Variants in STARD7 observed in about 807,000 individuals in gnomAD.
STARD7 encodes the protein stAR-related lipid transfer protein 7, mitochondrial.
A neutral mutation model predicts 45.3 loss-of-function variants in STARD7; 30 were observed. The ratio of observed to expected loss-of-function variants is 0.66; its 90% CI spans 0.50 to 0.90. The LOEUF (loss-of-function observed/expected upper bound fraction) is 0.90, where lower values mean the gene tolerates loss of function less well. Among genes scored for constraint, STARD7 ranks in the 40% least tolerant of loss-of-function variants. The pLI is 0.00. For synonymous variants in STARD7, 199 were observed against 183.0 expected, an observed-to-expected ratio of 1.09 and a Z score of -0.70; for missense variants, 495 against 491.3, an observed-to-expected ratio of 1.01 and a Z score of -0.07.
At chr2:96,208,088 C>T in intron 1 of STARD7, 57 bp downstream of exon 1, 1 of 1,467,258 alleles carries the variant, frequency 6.8e-7, no homozygotes, top group African/African-American at 1.5e-5. Flanking sequence ...GGGCAGGCCC[C>T]AGGGTTCACA....
At chr2:96,189,502 C>T (rs13405376) in intron 6 of STARD7, among the ~76,000 whole-genome samples, 1 of 152,002 alleles carries the variant, frequency 6.6e-6, no homozygotes, top group Non-Finnish European at 1.5e-5. Flanking sequence ...GTCAGGAGTT[C>T]GAGACCAGCC....
chr2:96,196,874 C>T (rs1430703524), intron 1 of STARD7, among the ~76,000 whole-genome samples: 1 of 151,450 alleles, frequency 6.6e-6, no homozygotes, highest in Non-Finnish European at 1.5e-5. Context: ...TGAGACCAGC[C>T]TAACCAACGT....
At chr2:96,196,122 AAAAAAAAC>A (rs1387600328) in intron 1 of STARD7, among the ~76,000 whole-genome samples, 98 of 151,530 alleles carry the variant, frequency 6.5e-4, no homozygotes, top group East Asian at 5.4e-3. Context: ...TCAAAAAAAA[AAAAAAAAC>A]AAAAAACAAA....
At position 96,193,266 on chromosome 2, in the gene STARD7, A is replaced by G. The variant is rs769407018; in HGVS notation, c.636T>C (p.Val212=). 6.2e-7 allele frequency: 1 copy of G among 1,613,868 alleles called. No individual in the cohort carries two copies. The highest frequency in any genetic ancestry group is 1.7e-5 in the Admixed American group (1 of 60,026). ...CAGGAAAATGGGTTACCCAGTGAAGAACCTCGGAACCACTAACCACATCCC... is the reference window on the plus strand; with the variant it reads ...CAGGAAAATGGGTTACCCAGTGAAGGACCTCGGAACCACTAACCACATCCC... ...IERDVVSGSE[V]LHWVTHFPYP... The change falls in exon 4 of 8, where the codon GTT becomes GTC. Residue 212 remains valine, a synonymous_variant. Transcript: ENST00000337288.
intron 1 of STARD7, among the ~76,000 whole-genome samples, chr2:96,199,729 T>C (rs1307722120): frequency 6.6e-6 from 1 of 152,248 alleles, no homozygotes; most frequent in Non-Finnish European, 1.5e-5. Context: ...ATCCTCATCT[T>C]GTTCCTGATC....
At chr2:96,187,381 T>C in intron 6 of STARD7, 80 bp from the exon 7 acceptor site, 1 of 890,826 alleles carries the variant, frequency 1.1e-6, no homozygotes, top group Non-Finnish European at 1.8e-6. Flanking sequence ...AGAATAACTA[T>C]GATCTGATTC....
chr2:96,185,978 T>C lies in STARD7; in HGVS notation c.*752A>G, dbSNP rs1683029627. On this transcript the variant is annotated 3_prime_UTR_variant, in exon 8 of 8. Transcript: ENST00000337288. ...ATGGGGAAGGTTAGGAAGGAGGCAA[T>C]GATCCAATGAATATAGAAGAACTGG... 6.6e-6 allele frequency: 1 copy of C among 152,156 alleles called. No individual in the cohort carries two copies. The highest frequency in any genetic ancestry group is 1.5e-5 in the Non-Finnish European group (1 of 68,036). 9.4% of individuals were successfully genotyped at this position (152,156 alleles called of 1,614,324 possible).
chr2:96,195,845 G>A (rs561621908), intron 1 of STARD7, among the ~76,000 whole-genome samples: 11 of 152,136 alleles, frequency 7.2e-5, no homozygotes, highest in African/African-American at 2.7e-4. Context: ...TGCAGGGCGT[G>A]GTGGCTCACG....
chr2:96,193,078 C>T lies in STARD7; in HGVS notation c.743G>A (p.Arg248His), dbSNP rs1162603886. 3.7e-6 allele frequency: 6 copies of T among 1,611,654 alleles called. No homozygotes were observed. The highest frequency in any genetic ancestry group is 1.7e-5 in the Admixed American group (1 of 59,894). The stretch of plus-strand genomic sequence containing the variant: ...AACAGCCACAGGCAGCCATACATAC[C>T]GCGACACCAACACCATCATGTTGTT... ...QENNMMVLVSRAVEHPSVPES... is the reference protein window; with the variant it reads ...QENNMMVLVSHAVEHPSVPES... The change falls in exon 5 of 8, where the codon CGT becomes CAT. Residue 248 changes from arginine to histidine, a missense_variant and splice_region_variant. Around this residue, in one of 2 missense-constraint regions of STARD7, gnomAD observed 213 missense variants for 271.2 expected, o/e 0.79. Coordinates refer to ENST00000337288, the MANE Select transcript of STARD7 (RefSeq NM_020151.4).
chr2:96,195,879 C>T (rs1683196610), intron 1 of STARD7, among the ~76,000 whole-genome samples: 1 of 151,916 alleles, frequency 6.6e-6, no homozygotes, highest in Non-Finnish European at 1.5e-5. Flanking sequence ...CACTGGGAGG[C>T]AGAAGAGGGT....
At chr2:96,197,179 C>T (rs1482118240) in intron 1 of STARD7, among the ~76,000 whole-genome samples, 3 of 151,254 alleles carry the variant, frequency 2.0e-5, no homozygotes, top group East Asian at 1.9e-4. Flanking sequence ...CCGAGGTGGG[C>T]GGATCACCTG....
intron 6 of STARD7, among the ~76,000 whole-genome samples, chr2:96,191,260 A>T (rs1683121441): frequency 6.6e-6 from 1 of 152,220 alleles, no homozygotes; most frequent in Admixed American, 6.5e-5. Flanking sequence ...GCTTCAAAAT[A>T]ATCAGGGGAG....
intron 2 of STARD7, 30 bp downstream of exon 2, chr2:96,195,311 G>A (rs1683184742): frequency 1.3e-6 from 2 of 1,531,412 alleles, no homozygotes; most frequent in African/African-American, 2.7e-5. Flanking sequence ...TGCAACTATG[G>A]AACCCAAAAG....
At chr2:96,206,693 C>T (rs984352833) in intron 1 of STARD7, among the ~76,000 whole-genome samples, 7 of 147,986 alleles carry the variant, frequency 4.7e-5, no homozygotes, top group Non-Finnish European at 5.9e-5. Context: ...CCCAGCTACT[C>T]GGGAGGCTGA....
chr2:96,193,990 C>T (rs1683165563), intron 3 of STARD7, among the ~76,000 whole-genome samples: 1 of 152,202 alleles, frequency 6.6e-6, no homozygotes, highest in Admixed American at 6.5e-5. Flanking sequence ...GATCCCACCT[C>T]CCTGTTTCAT....
At chr2:96,193,378 T>A in intron 3 of STARD7, 26 bp from the exon 4 acceptor site, 3 of 1,505,068 alleles carry the variant, frequency 2.0e-6, no homozygotes, top group Middle Eastern at 1.7e-4. Context: ...AGACCATGAA[T>A]ACCCAAGAAG....
At chr2:96,206,681 G>C (rs991581818) in intron 1 of STARD7, among the ~76,000 whole-genome samples, 3 of 151,426 alleles carry the variant, frequency 2.0e-5, no homozygotes, top group Non-Finnish European at 4.4e-5. Context: ...GGCGCCTGTA[G>C]TCCCAGCTAC....
intron 6 of STARD7, among the ~76,000 whole-genome samples, chr2:96,189,775 A>G (rs190809555): frequency 1.3e-3 from 197 of 152,046 alleles, no homozygotes; most frequent in African/African-American, 4.6e-3. Flanking sequence ...AGACCACAAA[A>G]TTTTATTCTT....
intron 1 of STARD7, among the ~76,000 whole-genome samples, chr2:96,198,045 G>T (rs1304644669): frequency 1.3e-5 from 2 of 151,868 alleles, no homozygotes; most frequent in Non-Finnish European, 2.9e-5. Context: ...ACTGCTGGCC[G>T]GACGTAGTGA....
Sources: allele counts gnomAD v4.1 joint callset (sites outside exome capture counted in the v4.1 genomes callset), GRCh38; gene constraint gnomAD v4.1.1; regional missense constraint gnomAD v4.1.1; transcripts MANE v1.5; gene names NCBI Gene and HGNC (gene_info 2026-07-23, HGNC 2026-07-21).